Variants in SGSM1 observed in about 807,000 individuals in gnomAD.
SGSM1 encodes the protein RUN and TBC1 domain containing 2.
A neutral mutation model predicts 133.8 loss-of-function variants in SGSM1; 73 were observed. The ratio of observed to expected loss-of-function variants is 0.55; its 90% CI spans 0.45 to 0.66. The LOEUF is 0.66. SGSM1 is among the 30% of genes least tolerant of loss of function. The pLI is 0.00. For synonymous variants in SGSM1, 563 were observed against 573.0 expected (o/e 0.98, Z 0.25); for missense variants, 1,213 against 1,448.1 (o/e 0.84, Z 2.64).
At position 24,898,579 on chromosome 22, in the gene SGSM1, C is replaced by A; in HGVS notation, c.2610+20C>A. 6.4e-7 allele frequency: 1 copy of A among 1,563,858 alleles called. No individual in the cohort carries two copies. The highest frequency in any genetic ancestry group is 8.7e-7 in the Non-Finnish European group (1 of 1,153,096). ...TACTCTGTAAGTCACCAGGACCCTC[C>A]GTTCCATTTCCTTCTTTCCAGCTGC... On this transcript the variant is annotated intron_variant, in intron 19 of 24. Coordinates refer to ENST00000400358, the MANE Select transcript of SGSM1 (RefSeq NM_001098497.3).
At chr22:24,866,480 C>A (rs1465835374) in intron 9 of SGSM1, among the ~76,000 whole-genome samples, 1 of 152,192 alleles carries the variant, frequency 6.6e-6, no homozygotes, top group African/African-American at 2.4e-5. Flanking sequence ...AAACGAAATT[C>A]AAGCTGACTT....
chr22:24,837,769 C>T (rs543910092), intron 2 of SGSM1, among the ~76,000 whole-genome samples: 1 of 152,194 alleles, frequency 6.6e-6, no homozygotes, highest in Non-Finnish European at 1.5e-5. Flanking sequence ...AATGGTCACA[C>T]CTCACTATGT....
intron 5 of SGSM1, among the ~76,000 whole-genome samples, chr22:24,852,272 T>A (rs1930526333): frequency 6.6e-6 from 1 of 152,188 alleles, no homozygotes; most frequent in Non-Finnish European, 1.5e-5. Flanking sequence ...TTATATTTAC[T>A]GAATTTTTTT....
At chr22:24,908,712 G>T (rs576171309) in intron 21 of SGSM1, among the ~76,000 whole-genome samples, 176 of 151,694 alleles carry the variant, frequency 1.2e-3, no homozygotes, top group African/African-American at 4.0e-3. Flanking sequence ...TGAGGCAGGA[G>T]AATGGCATGA....
At chr22:24,831,892 G>A (rs1015099552) in intron 2 of SGSM1, among the ~76,000 whole-genome samples, 3 of 152,248 alleles carry the variant, frequency 2.0e-5, no homozygotes, top group African/African-American at 7.2e-5. Flanking sequence ...AGGTGCAGTG[G>A]TTAGAAAGAG....
Position 24,868,802 on chromosome 22 carries a change from A to C in SGSM1, c.1238A>C (p.Glu413Ala). ...ESTSSDKDDD[E>A]ATDYVFRIIY... ...ACATCTTCAGACAAAGATGATGATG[A>C]GGCCACGGATTATGTGTTCAGGATC... Residue 413 changes from glutamate (E) to alanine (A), a missense_variant, in exon 12 of 25, where the codon GAG becomes GCG. Transcript: ENST00000400358. 6.2e-7 allele frequency: 1 copy of C among 1,614,004 alleles called. No individual in the cohort carries two copies. The highest frequency in any genetic ancestry group is 8.5e-7 in the Non-Finnish European group (1 of 1,179,890).
chr22:24,896,321 A>G (rs1001754067), intron 18 of SGSM1, among the ~76,000 whole-genome samples: 1 of 152,200 alleles, frequency 6.6e-6, no homozygotes, highest in Middle Eastern at 3.2e-3. Flanking sequence ...AACTTTTTAC[A>G]TAATTAAAAT....
chr22:24,806,278 C>A lies in SGSM1; in HGVS notation c.-48C>A. On this transcript the variant is annotated 5_prime_UTR_variant, in exon 1 of 25. Transcript: ENST00000400358. ...GCCGCGGCCGGAGGAGCTACCGCCG[C>A]CACCGCCGCCACCGCCTCCTGGGAC... 1.4e-6 allele frequency: 2 copies of A among 1,407,054 alleles called. No homozygotes were observed. Among genetic ancestry groups the A allele is most frequent in the Non-Finnish European group, 1.8e-6 (2 of 1,085,614 alleles). The allele number at this position is 1,407,054 out of a possible 1,614,324, so 87.2% of individuals were successfully genotyped here.
At chr22:24,903,980 A>AG (rs781056343) in intron 20 of SGSM1, among the ~76,000 whole-genome samples, 16 of 88,900 alleles carry the variant, frequency 1.8e-4, no homozygotes, top group African/African-American at 6.9e-4. Context: ...CTCAACAAAA[A>AG]GAAAAAAAAA....
Position 24,855,680 on chromosome 22 carries a change from G to A in SGSM1, c.801G>A (p.Pro267=), listed in dbSNP as rs767115692. 16 of 1,613,792 alleles carry A rather than the reference G, an allele frequency of 9.9e-6. No individual in the cohort carries two copies. Among genetic ancestry groups the A allele is most frequent in the African/African-American group, 2.7e-5 (2 of 74,884 alleles). ...GCAAAAACAACGTTCTTGTTCAGCCGGTGAGAGGTTATCTTGGGCCTAGAT... is the reference window on the plus strand; with the variant it reads ...GCAAAAACAACGTTCTTGTTCAGCCAGTGAGAGGTTATCTTGGGCCTAGAT... The part of the protein sequence containing the change: ...LYGKNNVLVQ[P]RDDMEAVPGY... The change falls in exon 8 of 25, where the codon CCG becomes CCA. Residue 267 remains proline, a splice_region_variant and synonymous_variant. Transcript: ENST00000400358.
chr22:24,905,411 A>G (rs1933339454), intron 21 of SGSM1, among the ~76,000 whole-genome samples: 1 of 152,184 alleles, frequency 6.6e-6, no homozygotes, highest in Non-Finnish European at 1.5e-5. Flanking sequence ...CACTGATTAT[A>G]TGAATATGAA....
intron 2 of SGSM1, among the ~76,000 whole-genome samples, chr22:24,832,916 T>C (rs1929200046): frequency 6.6e-6 from 1 of 151,492 alleles, no homozygotes; most frequent in African/African-American, 2.4e-5. Context: ...TGATCTTCCC[T>C]TTGTAGCTGT....
intron 2 of SGSM1, among the ~76,000 whole-genome samples, chr22:24,815,494 G>A (rs1468676231): frequency 6.6e-6 from 1 of 152,228 alleles, no homozygotes. Context: ...TGTGATTCCA[G>A]CACTTTGGGA....
intron 3 of SGSM1, among the ~76,000 whole-genome samples, chr22:24,845,941 T>TTTTCTTTTCTTTC (rs1491325876): frequency 4.1e-4 from 48 of 115,708 alleles, no homozygotes; most frequent in East Asian, 2.0e-3. Context: ...TTTTCTTTTC[T>TTTTCTTTTCTTTC]TTTCTTTCTT....
chr22:24,822,343 C>T (rs943207618), intron 2 of SGSM1, among the ~76,000 whole-genome samples: 6 of 152,100 alleles, frequency 3.9e-5, no homozygotes, highest in African/African-American at 1.4e-4. Context: ...CTGCCCGCCT[C>T]GGCCTCCCAA....
rs565447498 is a variant in SGSM1, at chr22:24,847,461, A to C, written c.140-173A>C. ...TTCTTATATAGTCACTTTTTCAATA[A>C]ACATTGATTATGCACCTATACAAGT... On this transcript the variant is annotated intron_variant, in intron 3 of 24. Coordinates refer to ENST00000400358, the MANE Select transcript of SGSM1 (RefSeq NM_001098497.3). Among the ~76,000 whole-genome samples the C allele has an allele frequency of 3.3e-5, 5 of 152,236 alleles. No individual in the cohort carries two copies. In the South Asian group the frequency reaches 1.0e-3, roughly 32 times the overall value.
At position 24,855,656 on chromosome 22, in the gene SGSM1, CA is replaced by C; in HGVS notation, c.782del (p.Asn261ThrfsTer27). ...ACTCCCGTGCCACCCTTCTCTATGG[CA>C]AAAACAACGTTCTTGTTCAGCCGGT... ...QNSRATLLYG[K>X]NNVLVQPRDD... On this transcript the variant is annotated frameshift_variant, in exon 8 of 25. Transcript: ENST00000400358. LOFTEE classifies it high-confidence loss of function. 1 of 1,613,948 alleles carries C rather than the reference CA, an allele frequency of 6.2e-7. No individual in the cohort carries two copies. The highest frequency in any genetic ancestry group is 8.5e-7 in the Non-Finnish European group (1 of 1,179,878).
intron 2 of SGSM1, among the ~76,000 whole-genome samples, chr22:24,828,887 T>C (rs954184159): frequency 1.3e-5 from 2 of 152,286 alleles, no homozygotes; most frequent in South Asian, 2.1e-4. Flanking sequence ...TAGAATATTA[T>C]GCAGCCACAC....
intron 5 of SGSM1, among the ~76,000 whole-genome samples, chr22:24,851,100 C>CAA (rs68153757): frequency 5.2e-5 from 5 of 95,756 alleles, no homozygotes; most frequent in Admixed American, 2.2e-4. Flanking sequence ...GACTCCATCT[C>CAA]AAAAAAAAAA....
Sources: allele counts gnomAD v4.1 joint callset (sites outside exome capture counted in the v4.1 genomes callset), GRCh38; gene constraint gnomAD v4.1.1; transcripts MANE v1.5; gene names NCBI Gene and HGNC (gene_info 2026-07-23, HGNC 2026-07-21).